The following KIAA2012 variants were observed in gnomAD, a reference collection of about 807,000 sequenced individuals.
KIAA2012 encodes the protein uncharacterized protein KIAA2012.
Under a neutral mutation model 150.6 loss-of-function variants are expected in KIAA2012, and 125 were observed. That is an observed-to-expected ratio of 0.83 (90% CI 0.72 to 0.96). The LOEUF (loss-of-function observed/expected upper bound fraction) is 0.96, where lower values mean the gene tolerates loss of function less well. Among genes scored for constraint, KIAA2012 ranks in the 40% least tolerant of loss-of-function variants. KIAA2012 has a pLI of 0.00. For missense variants in KIAA2012, 1,219 were observed against 1,354.9 expected, an observed-to-expected ratio of 0.90 and a Z score of 1.57; for synonymous variants, 462 against 504.7, an observed-to-expected ratio of 0.92 and a Z score of 1.13.
chr2:202,149,663 T>G (rs534967814), intron 13 of KIAA2012, among the ~76,000 whole-genome samples: 1 of 151,760 alleles, frequency 6.6e-6, no homozygotes, highest in South Asian at 2.1e-4. Context: ...TAGAAAGGAG[T>G]GGGAGAAGTA....
chr2:202,130,692 G>A (rs558913287), intron 12 of KIAA2012, among the ~76,000 whole-genome samples: 5 of 152,234 alleles, frequency 3.3e-5, no homozygotes, highest in Admixed American at 2.6e-4. Flanking sequence ...CAAGGCAGGA[G>A]GATCACTTGA....
intron 16 of KIAA2012, among the ~76,000 whole-genome samples, chr2:202,185,171 G>A (rs1040349568): frequency 2.6e-5 from 4 of 152,044 alleles, no homozygotes; most frequent in African/African-American, 9.6e-5. Flanking sequence ...CTTCAACCTG[G>A]GTTTGTCCCC....
intron 11 of KIAA2012, 98 bp downstream of exon 11, chr2:202,113,544 T>A: frequency 1.3e-6 from 1 of 766,774 alleles, no homozygotes; most frequent in Non-Finnish European, 2.1e-6. Context: ...GCGACATCAT[T>A]AAAAACAGAC....
At chr2:202,183,495 TTG>T (rs1491289902) in intron 15 of KIAA2012, among the ~76,000 whole-genome samples, 7 of 145,798 alleles carry the variant, frequency 4.8e-5, no homozygotes, top group South Asian at 2.2e-4. Context: ...TTTTTTTTTT[TTG>T]AGACAGTCTC....
chr2:202,143,661 C>T (rs1446489512), intron 13 of KIAA2012, among the ~76,000 whole-genome samples: 16 of 151,386 alleles, frequency 1.1e-4, no homozygotes, highest in Admixed American at 5.9e-4. Context: ...TAATCTCGGA[C>T]TCAGTGTATA....
At chr2:202,139,963 C>T (rs1553558059) in intron 13 of KIAA2012, among the ~76,000 whole-genome samples, 2 of 152,242 alleles carry the variant, frequency 1.3e-5, no homozygotes, top group Non-Finnish European at 2.9e-5. Flanking sequence ...GGTGCAGTGG[C>T]TCACGCCTGT....
chr2:202,132,720 A>ATATG (rs1559215382), intron 12 of KIAA2012, among the ~76,000 whole-genome samples: 2 of 123,788 alleles, frequency 1.6e-5, no homozygotes, highest in Admixed American at 9.2e-5. Context: ...ATATATGTAT[A>ATATG]TATATATAGT....
intron 15 of KIAA2012, among the ~76,000 whole-genome samples, chr2:202,172,975 A>G (rs2105730685): frequency 6.6e-6 from 1 of 152,340 alleles, no homozygotes; most frequent in East Asian, 1.9e-4. Context: ...TAGCACCTAC[A>G]TGACCTAACT....
chr2:202,107,239 A>C (rs575475885), intron 9 of KIAA2012, among the ~76,000 whole-genome samples: 2 of 59,410 alleles, frequency 3.4e-5, no homozygotes, highest in Non-Finnish European at 7.5e-5. Flanking sequence ...ATACCAAAAA[A>C]AAAATAAAAA....
At chr2:202,091,170 T>C (rs1689710324) in intron 3 of KIAA2012, among the ~76,000 whole-genome samples, 1 of 152,188 alleles carries the variant, frequency 6.6e-6, no homozygotes, top group Admixed American at 6.5e-5. Flanking sequence ...TCCCTTGCCC[T>C]CAGCAGCCTC....
chr2:202,202,023 A>C, intron 22 of KIAA2012: 1 of 576,928 alleles, frequency 1.7e-6, no homozygotes, highest in Non-Finnish European at 3.1e-6. Flanking sequence ...CTGCCGCCGC[A>C]GTTTTTGTAT....
chr2:202,088,513 C>T (rs1361395922), intron 2 of KIAA2012, among the ~76,000 whole-genome samples: 1 of 152,208 alleles, frequency 6.6e-6, no homozygotes, highest in African/African-American at 2.4e-5. Flanking sequence ...AGCCTCTGCT[C>T]AGTCTCCACT....
chr2:202,148,883 C>T (rs762400958), intron 13 of KIAA2012, among the ~76,000 whole-genome samples: 4 of 152,164 alleles, frequency 2.6e-5, no homozygotes, highest in African/African-American at 7.2e-5. Flanking sequence ...CCGGCCCATT[C>T]GGATCCCCTT....
chr2:202,114,391 G>C (rs1351911387), intron 11 of KIAA2012: 4 of 167,180 alleles, frequency 2.4e-5, no homozygotes, highest in Non-Finnish European at 5.9e-5. Flanking sequence ...TCCATCAGCA[G>C]TTGGTTTATA....
chr2:202,202,973 T>C (rs773517207), intron 23 of KIAA2012, among the ~76,000 whole-genome samples: 2 of 151,528 alleles, frequency 1.3e-5, no homozygotes, highest in African/African-American at 2.4e-5. Flanking sequence ...AATTAGTTAG[T>C]TCCATTTCAT....
chr2:202,096,973 G>A (rs946854698), intron 4 of KIAA2012, among the ~76,000 whole-genome samples: 13 of 152,264 alleles, frequency 8.5e-5, no homozygotes, highest in African/African-American at 2.9e-4. Context: ...AAAGAGCCAG[G>A]AGATAGCCCG....
chr2:202,082,131 T>C (rs960358680), intron 2 of KIAA2012, among the ~76,000 whole-genome samples: 1 of 152,194 alleles, frequency 6.6e-6, no homozygotes, highest in African/African-American at 2.4e-5. Flanking sequence ...TCTAAAGAAA[T>C]ATCTATTCAA....
chr2:202,189,881 C>T (rs1469041815), intron 18 of KIAA2012, among the ~76,000 whole-genome samples: 1 of 151,942 alleles, frequency 6.6e-6, no homozygotes, highest in African/African-American at 2.4e-5. Flanking sequence ...TGCTTGAGCT[C>T]AGGGATTTGA....
At chr2:202,162,581 CTT>C (rs890834084) in intron 14 of KIAA2012, among the ~76,000 whole-genome samples, 37 of 120,806 alleles carry the variant, frequency 3.1e-4, no homozygotes, top group Admixed American at 5.0e-4. Flanking sequence ...GGCCCAGAGT[CTT>C]TTTTTTTTTT....
Sources: gnomAD v4.1 joint callset for allele counts (sites outside exome capture counted in the v4.1 genomes callset) on GRCh38, gnomAD v4.1.1 for gene constraint, MANE v1.5 for transcripts, NCBI Gene and HGNC (gene_info 2026-07-23, HGNC 2026-07-21) for gene names.